PRTFDC1: variants seen among roughly 807,000 people sequenced by gnomAD.
PRTFDC1 encodes the protein phosphoribosyltransferase domain-containing protein 1.
In PRTFDC1, 38 loss-of-function variants were observed where a neutral mutation model predicts 34.6. The ratio of observed to expected loss-of-function variants is 1.10; its 90% confidence interval spans 0.85 to 1.44. PRTFDC1 has a LOEUF of 1.44. PRTFDC1 is among the 40% of genes most tolerant of loss of function. PRTFDC1 has a pLI of 0.00. For missense variants in PRTFDC1, 270 were observed against 283.0 expected, an observed-to-expected ratio of 0.95 and a Z score of 0.33; for synonymous variants, 93 against 98.1, an observed-to-expected ratio of 0.95 and a Z score of 0.31.
chr10:24,896,615 T>C (rs1402266624), intron 3 of PRTFDC1, among the ~76,000 whole-genome samples: 2 of 152,160 alleles, frequency 1.3e-5, no homozygotes, highest in Non-Finnish European at 2.9e-5. Flanking sequence ...ATGCATCTTA[T>C]TTGGAGGCAC....
Position 24,908,425 on chromosome 10 carries a change from G to A in PRTFDC1, c.339+28759C>T, listed in dbSNP as rs185923066. ...AGTGTCCAGTTTCTTCATGAAGACT[G>A]TGGGCACAGCCAGGGCTTGAAGACA... On this transcript the variant is annotated intron_variant, in intron 3 of 8. Transcript: ENST00000320152. The A allele has an allele frequency of 1.0e-4, 158 of 1,526,036 alleles. 1 individual carries two copies. In the East Asian group the frequency reaches 3.5e-3, roughly 34 times the overall value. 94.5% of individuals were successfully genotyped at this position (1,526,036 alleles called of 1,614,324 possible).
intron 3 of PRTFDC1, among the ~76,000 whole-genome samples, chr10:24,901,036 A>C (rs76749739): frequency 0.021 from 3,188 of 152,314 alleles, 121 homozygotes; most frequent in African/African-American, 0.073. Context: ...GAATCATATT[A>C]TAGCATCGGA....
intron 3 of PRTFDC1, among the ~76,000 whole-genome samples, chr10:24,883,998 A>C (rs1467866773): frequency 6.6e-6 from 1 of 151,678 alleles, no homozygotes; most frequent in East Asian, 1.9e-4. Context: ...TAATTTTTGT[A>C]TATTTTTATA....
intron 3 of PRTFDC1, chr10:24,908,875 G>T: frequency 2.4e-6 from 2 of 850,208 alleles, no homozygotes; most frequent in Non-Finnish European, 3.4e-6. Context: ...CCTCTGGCTG[G>T]GGTGAGAATG....
At chr10:24,917,075 T>C (rs754686658) in intron 3 of PRTFDC1, among the ~76,000 whole-genome samples, 3 of 152,238 alleles carry the variant, frequency 2.0e-5, no homozygotes, top group Admixed American at 6.5e-5. Context: ...CATATGCTTG[T>C]CTTTTCAATG....
At chr10:24,949,773 C>T (rs1356106870) in intron 1 of PRTFDC1, among the ~76,000 whole-genome samples, 1 of 148,818 alleles carries the variant, frequency 6.7e-6, no homozygotes, top group East Asian at 1.9e-4. Context: ...GAGTTTCACT[C>T]TTGTTGCCTG....
intron 3 of PRTFDC1, among the ~76,000 whole-genome samples, chr10:24,893,216 ATG>A (rs1276409473): frequency 6.6e-5 from 10 of 152,340 alleles, no homozygotes; most frequent in East Asian, 1.9e-4. Flanking sequence ...TTAGATAGGC[ATG>A]TATAGTCAGA....
intron 3 of PRTFDC1, among the ~76,000 whole-genome samples, chr10:24,882,704 T>A (rs1026136826): frequency 2.6e-5 from 4 of 151,958 alleles, no homozygotes; most frequent in African/African-American, 4.8e-5. Context: ...TGGGGTCTCA[T>A]TATGTTTTCC....
chr10:24,864,494 C>T (rs1847740341), intron 4 of PRTFDC1, among the ~76,000 whole-genome samples: 1 of 152,148 alleles, frequency 6.6e-6, no homozygotes, highest in African/African-American at 2.4e-5. Flanking sequence ...AGTCAGCAGC[C>T]ATCAACATCG....
At chr10:24,902,651 A>C (rs1848467588) in intron 3 of PRTFDC1, among the ~76,000 whole-genome samples, 1 of 152,220 alleles carries the variant, frequency 6.6e-6, no homozygotes. Flanking sequence ...AACTTAGAGC[A>C]AAGAGAATGA....
At chr10:24,877,538 T>C (rs1376873155) in intron 3 of PRTFDC1, among the ~76,000 whole-genome samples, 2 of 152,356 alleles carry the variant, frequency 1.3e-5, no homozygotes, top group South Asian at 2.1e-4. Flanking sequence ...ATGTAATAAG[T>C]TGGTTTTTCT....
chr10:24,855,243 A>G, intron 7 of PRTFDC1, 75 bp downstream of exon 7: 1 of 1,454,404 alleles, frequency 6.9e-7, no homozygotes, highest in Non-Finnish European at 9.5e-7. Flanking sequence ...GAAACCAAAG[A>G]TTCTTAAACA....
intron 3 of PRTFDC1, among the ~76,000 whole-genome samples, chr10:24,906,862 G>A (rs1422056065): frequency 2.0e-5 from 3 of 152,160 alleles, no homozygotes; most frequent in Non-Finnish European, 4.4e-5. Flanking sequence ...GGCCAAAGAG[G>A]GGAGAAATGG....
At position 24,929,049 on chromosome 10, in the gene PRTFDC1, A is replaced by AG. The variant is rs1848928912; in HGVS notation, c.339+8134_339+8135insC. Reference sequence around the variant, plus strand: ...GAGGCAGACTCCGTCTCAAAAAAAAAAAAAAAGAAAGAAAGAAAGAAAGAA... The same window carrying AG: ...GAGGCAGACTCCGTCTCAAAAAAAAAGAAAAAAGAAAGAAAGAAAGAAAGAA... On this transcript the variant is annotated intron_variant, in intron 3 of 8. Coordinates refer to ENST00000320152, the MANE Select transcript of PRTFDC1 (RefSeq NM_020200.7). Among the ~76,000 whole-genome samples the AG allele has an allele frequency of 5.0e-5, 6 of 119,990 alleles. No individual in the cohort carries two copies. In the South Asian group the frequency reaches 1.5e-3, roughly 30 times the overall value. The allele number at this position is 119,990 out of a possible 152,430, so 78.7% of individuals were successfully genotyped here.
chr10:24,899,956 T>C (rs969048989), intron 3 of PRTFDC1, among the ~76,000 whole-genome samples: 1 of 152,136 alleles, frequency 6.6e-6, no homozygotes, highest in Non-Finnish European at 1.5e-5. Context: ...TGGTGGAAAA[T>C]GGATTGGAAA....
At chr10:24,896,951 C>A (rs1327555617) in intron 3 of PRTFDC1, among the ~76,000 whole-genome samples, 1 of 152,058 alleles carries the variant, frequency 6.6e-6, no homozygotes, top group South Asian at 2.1e-4. Flanking sequence ...GGTGCGAGTC[C>A]GTGGTCCCAG....
intron 3 of PRTFDC1, among the ~76,000 whole-genome samples, chr10:24,894,507 A>C (rs996228249): frequency 6.6e-6 from 1 of 152,110 alleles, no homozygotes; most frequent in Non-Finnish European, 1.5e-5. Flanking sequence ...TGTCTGTCAC[A>C]GTCATGTGTA....
chr10:24,884,879 C>T lies in PRTFDC1; in HGVS notation c.340-12816G>A, dbSNP rs1274487150. Among the ~76,000 whole-genome samples the T allele has an allele frequency of 3.9e-5, 6 of 152,256 alleles. No homozygotes were observed. The East Asian group carries it at 9.7e-4, about 25-fold the overall frequency. On this transcript the variant is annotated intron_variant, in intron 3 of 8. Coordinates refer to ENST00000320152, the MANE Select transcript of PRTFDC1 (RefSeq NM_020200.7). ...GGCTCAGAAGGTATAGTCTTGGAGG[C>T]ATCTGAGTTGGAAAAGAGGGACATG...
rs1342761305 is a variant in PRTFDC1, at chr10:24,880,891, CCTTT to C, written c.340-8832_340-8829del. 4.7e-3 allele frequency among the ~76,000 whole-genome samples: 656 copies of C among 138,982 alleles called. 4 individuals carry two copies. The highest frequency in any genetic ancestry group is 0.016 in the African/African-American group (604 of 37,230). 91.2% of individuals were successfully genotyped at this position (138,982 alleles called of 152,430 possible). On this transcript the variant is annotated intron_variant, in intron 3 of 8. Transcript: ENST00000320152. ...TCTTTCTTTCTTTCCCTCTTTCCTT[CCTTT>C]CTTTCTTTCCATCTTTCTTTCTTCC...
Sources: gnomAD v4.1 joint callset for allele counts (sites outside exome capture counted in the v4.1 genomes callset) on GRCh38, gnomAD v4.1.1 for gene constraint, MANE v1.5 for transcripts, NCBI Gene and HGNC (gene_info 2026-07-23, HGNC 2026-07-21) for gene names.